The following SNRNP70 variants were observed in gnomAD, a reference collection of about 807,000 sequenced individuals.
SNRNP70 encodes the protein U1 small nuclear ribonucleoprotein 70 kDa.
SNRNP70 carries 8 observed loss-of-function variants against 50.5 expected under a neutral mutation model. That is an observed-to-expected ratio of 0.16 (90% CI 0.09 to 0.29). The LOEUF is 0.29. Ranked by LOEUF, SNRNP70 falls within the 10% of genes least tolerant of loss-of-function variation. SNRNP70 has a pLI of 1.00. For missense variants in SNRNP70, 529 were observed against 663.5 expected (o/e 0.80, Z 2.23); for synonymous variants, 320 against 252.9 (o/e 1.27, Z -2.52).
At chr19:49,097,884 A>G (rs1377339845) in intron 4 of SNRNP70, among the ~76,000 whole-genome samples, 1 of 152,224 alleles carries the variant, frequency 6.6e-6, no homozygotes, top group East Asian at 1.9e-4. Flanking sequence ...CAGGGCACAG[A>G]CAGGAAAGCA....
At chr19:49,105,235 C>T (rs1259874664) in intron 8 of SNRNP70, among the ~76,000 whole-genome samples, 2 of 152,094 alleles carry the variant, frequency 1.3e-5, no homozygotes, top group African/African-American at 4.8e-5. Context: ...GCAGCCTCTG[C>T]CCTCTGAGCC....
chr19:49,085,995 G>C lies in SNRNP70; in HGVS notation c.-11+359G>C, dbSNP rs570855021. Reference sequence around the variant, plus strand: ...TCCTTATGTTTCTCTTTCTTTGCTTGGAAACTTCCGATCCCCAGGACCCTG... The same window carrying C: ...TCCTTATGTTTCTCTTTCTTTGCTTCGAAACTTCCGATCCCCAGGACCCTG... On this transcript the variant is annotated intron_variant, in intron 1 of 9. Coordinates refer to ENST00000598441, the MANE Select transcript of SNRNP70 (RefSeq NM_003089.6). Among the ~76,000 whole-genome samples the C allele has an allele frequency of 5.9e-5, 9 of 152,178 alleles. No individual in the cohort carries two copies. The South Asian group carries it at 1.9e-3, about 32-fold the overall frequency.
Position 49,107,591 on chromosome 19 carries a change from C to T in SNRNP70, c.578-34C>T. On this transcript the variant is annotated intron_variant, in intron 8 of 9. Transcript: ENST00000598441. The surrounding 1 kb of genome is among the most constrained non-coding windows in gnomAD (Gnocchi z 6.0). ...TGCTCCTCCGGGCCCTGTCCCTGCC[C>T]AGATTCACCCTCTGTCCGTCTGCCC... The T allele has an allele frequency of 6.2e-7, 1 of 1,603,010 alleles. No homozygotes were observed. The highest frequency in any genetic ancestry group is 8.5e-7 in the Non-Finnish European group (1 of 1,170,018).
chr19:49,108,469 G>GT lies in SNRNP70; in HGVS notation c.*29dup. The GT allele has an allele frequency of 6.4e-7, 1 of 1,563,012 alleles. No individual in the cohort carries two copies. Among genetic ancestry groups the GT allele is most frequent in the Non-Finnish European group, 8.7e-7 (1 of 1,155,230 alleles). ...AGAGGTCGTCCTCTCCATCTGCTGT[G>GT]TTTGGACGCGTTCCTGCCCAGCCCC... On this transcript the variant is annotated 3_prime_UTR_variant, in exon 10 of 10. Coordinates refer to ENST00000598441, the MANE Select transcript of SNRNP70 (RefSeq NM_003089.6).
At chr19:49,092,071 A>G (rs1420620461) in intron 4 of SNRNP70, among the ~76,000 whole-genome samples, 1 of 152,110 alleles carries the variant, frequency 6.6e-6, no homozygotes, top group East Asian at 1.9e-4. Context: ...CAACACAGTC[A>G]CAGTCTTAAC....
rs1295991567 is a variant in SNRNP70, at chr19:49,108,010, G to A, written c.881G>A (p.Arg294Gln). 9 of 1,548,036 alleles carry A rather than the reference G, an allele frequency of 5.8e-6. No homozygotes were observed. The highest frequency in any genetic ancestry group is 7.9e-6 in the Non-Finnish European group (9 of 1,146,300). The change falls in exon 10 of 10, where the codon CGG becomes CAG. Residue 294 changes from arginine (R) to glutamine (Q), a missense_variant. This residue lies in a region of SNRNP70 where 327 missense variants were observed against 308.8 expected (regional missense o/e 1.06). Coordinates refer to ENST00000598441, the MANE Select transcript of SNRNP70 (RefSeq NM_003089.6). ...CGGGACCGGAAGCGGCGAAGCAGCCGGAGTCGGGAGCGGGCCCGGCGGGAG... is the reference window on the plus strand; with the variant it reads ...CGGGACCGGAAGCGGCGAAGCAGCCAGAGTCGGGAGCGGGCCCGGCGGGAG... ...KDRDRKRRSS[R>Q]SRERARRERE...
intron 5 of SNRNP70, 29 bp downstream of exon 5, chr19:49,098,520 C>G (rs1240678794): frequency 1.9e-6 from 3 of 1,606,398 alleles, no homozygotes; most frequent in Non-Finnish European, 2.6e-6. Context: ...GCTCCTGGAA[C>G]CCCACGCTGC....
In SNRNP70 at chr19:49,107,164, G is replaced by A. The variant is rs747110885; in HGVS notation, c.578-461G>A. Among the ~76,000 whole-genome samples, 9 of 152,344 alleles carry A rather than the reference G, an allele frequency of 5.9e-5. No individual in the cohort carries two copies. Among genetic ancestry groups the A allele is most frequent in the Middle Eastern group, 3.4e-3 (1 of 294 alleles). On this transcript the variant is annotated intron_variant, in intron 8 of 9. Transcript: ENST00000598441. The surrounding 1 kb of genome is among the most constrained non-coding windows in gnomAD (Gnocchi z 6.0). ...GGCCTGGGACACGCAGCCAAGAGCC[G>A]CGGCTCAGACGCTAGCAGGGCCCGC...
At chr19:49,096,763 T>TC (rs1486807663) in intron 4 of SNRNP70, among the ~76,000 whole-genome samples, 1 of 151,694 alleles carries the variant, frequency 6.6e-6, no homozygotes, top group Non-Finnish European at 1.5e-5. Context: ...AGAGTGACAC[T>TC]CCATCTCAAA....
rs182090891 is a variant in SNRNP70 at position 49,104,440 on chromosome 19, C to T, written c.476-194C>T. 3.9e-5 allele frequency: 22 copies of T among 561,468 alleles called. No individual in the cohort carries two copies. Among genetic ancestry groups the T allele is most frequent in the African/African-American group, 2.5e-4 (13 of 52,128 alleles). 34.8% of individuals were successfully genotyped at this position (561,468 alleles called of 1,614,324 possible). ...GGTTGGGGCGCTGAGAGGAAGCAGA[C>T]GCTGAGATGGAGCAGGCCCTTCACC... is the stretch of plus-strand genomic sequence containing the variant. On this transcript the variant is annotated intron_variant, in intron 7 of 9. Coordinates refer to ENST00000598441, the MANE Select transcript of SNRNP70 (RefSeq NM_003089.6). This position sits in a 1 kb window ranked among gnomAD's most constrained non-coding sequence, Gnocchi z 5.4.
intron 4 of SNRNP70, 80 bp downstream of exon 4, chr19:49,090,600 TG>T: frequency 7.3e-7 from 1 of 1,362,284 alleles, no homozygotes; most frequent in Non-Finnish European, 1.0e-6. Flanking sequence ...AGGACCCTGC[TG>T]TCTCCCTAAG....
At chr19:49,100,478 G>A (rs989792518) in intron 6 of SNRNP70, among the ~76,000 whole-genome samples, 1 of 152,134 alleles carries the variant, frequency 6.6e-6, no homozygotes, top group African/African-American at 2.4e-5. Context: ...AAGCCTCCCT[G>A]GCTGTGCACG....
chr19:49,095,009 G>C (rs2040495291), intron 4 of SNRNP70, among the ~76,000 whole-genome samples: 1 of 152,264 alleles, frequency 6.6e-6, no homozygotes, highest in Admixed American at 6.5e-5. Flanking sequence ...CTGAGGGAGA[G>C]CTGCCGTCAG....
At chr19:49,097,412 A>G (rs1011052498) in intron 4 of SNRNP70, among the ~76,000 whole-genome samples, 5 of 152,198 alleles carry the variant, frequency 3.3e-5, no homozygotes, top group African/African-American at 4.8e-5. Context: ...TTATATGTCT[A>G]ATGTTCCATT....
In SNRNP70 at chr19:49,108,186, G is replaced by C; in HGVS notation, c.1057G>C (p.Glu353Gln). 1 of 1,536,278 alleles carries C rather than the reference G, an allele frequency of 6.5e-7. No homozygotes were observed. Among genetic ancestry groups the C allele is most frequent in the Non-Finnish European group, 8.8e-7 (1 of 1,140,486 alleles). Reference protein sequence around the residue: ...PEEKGRDRDRERRRSHRSERE... With the variant: ...PEEKGRDRDRQRRRSHRSERE... Reference sequence around the variant, plus strand: ...GGAAAAGGGCCGGGATCGTGACCGGGAGCGACGGCGGAGCCACCGGAGCGA... The same window carrying C: ...GGAAAAGGGCCGGGATCGTGACCGGCAGCGACGGCGGAGCCACCGGAGCGA... The change falls in exon 10 of 10, where the codon GAG (glutamate) becomes CAG (glutamine). Residue 353 changes from glutamate (E) to glutamine (Q), a missense_variant. By Grantham distance (29) the Glu-to-Gln change is conservative. This residue lies in a region of SNRNP70 where 327 missense variants were observed against 308.8 expected (regional missense o/e 1.06). Coordinates refer to ENST00000598441, the MANE Select transcript of SNRNP70 (RefSeq NM_003089.6).
At position 49,108,230 on chromosome 19, in the gene SNRNP70, C is replaced by G; in HGVS notation, c.1101C>G (p.Asp367Glu). Reference protein sequence around the residue: ...SHRSERERRRDRDRDRDRDRE... With the variant: ...SHRSERERRRERDRDRDRDRE... ...GGAGCGAGCGCGAGCGGCGCCGGGA[C>G]CGGGATCGTGACCGTGACCGTGACC... The change falls in exon 10 of 10, where the codon GAC becomes GAG. Residue 367 changes from aspartate to glutamate, a missense_variant. Around this residue, in one of 4 missense-constraint regions of SNRNP70, gnomAD observed 327 missense variants for 308.8 expected, o/e 1.06. Transcript: ENST00000598441. 6.5e-7 allele frequency: 1 copy of G among 1,538,330 alleles called. No individual in the cohort carries two copies. The highest frequency in any genetic ancestry group is 8.8e-7 in the Non-Finnish European group (1 of 1,141,444).
intron 6 of SNRNP70, among the ~76,000 whole-genome samples, chr19:49,100,821 AAAAAAG>A (rs1280107883): frequency 2.0e-5 from 3 of 151,770 alleles, no homozygotes; most frequent in African/African-American, 2.4e-5. Flanking sequence ...AAAAAAAAAA[AAAAAAG>A]AATTCCCGTC....
At chr19:49,102,552 C>T (rs761960010) in intron 7 of SNRNP70, 4 of 202,142 alleles carry the variant, frequency 2.0e-5, no homozygotes, top group East Asian at 1.2e-4. Flanking sequence ...TCCCTGCCCC[C>T]GTGCTTTCTA....
chr19:49,086,060 G>C (rs906989959), intron 1 of SNRNP70, among the ~76,000 whole-genome samples: 2 of 152,090 alleles, frequency 1.3e-5, no homozygotes, highest in Non-Finnish European at 2.9e-5. Flanking sequence ...GGCACGGGAC[G>C]AGCAGCCACA....
Sources: gnomAD v4.1 joint callset for allele counts (sites outside exome capture counted in the v4.1 genomes callset) on GRCh38, gnomAD v4.1.1 for gene constraint, gnomAD v4.1.1 regional missense constraint, Gnocchi (gnomAD v3.1) non-coding constraint, MANE v1.5 for transcripts, NCBI Gene and HGNC (gene_info 2026-07-23, HGNC 2026-07-21) for gene names.